Variants in ADGRL2 observed in about 807,000 individuals in gnomAD.
ADGRL2 encodes the protein adhesion G protein-coupled receptor L2.
In ADGRL2, 44 loss-of-function variants were observed where a neutral mutation model predicts 157.4. That is an observed-to-expected ratio of 0.28 (90% confidence interval 0.22 to 0.36). The LOEUF is 0.36. Among genes scored for constraint, ADGRL2 ranks in the 10% least tolerant of loss-of-function variants. The pLI is 1.00. For synonymous variants in ADGRL2, 585 were observed against 624.7 expected (o/e 0.94, Z 0.95); for missense variants, 1,510 against 1,768.9 (o/e 0.85, Z 2.63).
At chr1:81,717,271 A>G (rs1448091729) in intron 1 of ADGRL2, among the ~76,000 whole-genome samples, 1 of 152,190 alleles carries the variant, frequency 6.6e-6, no homozygotes, top group Non-Finnish European at 1.5e-5. Context: ...TTCTCCGGGT[A>G]AGTCCACAGG....
Position 81,731,112 on chromosome 1 carries a change from C to T in ADGRL2, c.-142-30699C>T, listed in dbSNP as rs189546442. Among the ~76,000 whole-genome samples the T allele has an allele frequency of 3.6e-3, 543 of 152,232 alleles. 4 individuals are homozygous for T. Among genetic ancestry groups the T allele is most frequent in the African/African-American group, 0.012 (503 of 41,550 alleles). ...TGTGTAGGCAAGCACAATAATTTGA[C>T]GTCAGGAAGCCATTGTCTGAGCTAG... On this transcript the variant is annotated intron_variant, in intron 1 of 20. Coordinates refer to the ADGRL2 transcript ENST00000359929.
At chr1:81,817,061 G>A (rs534051127) in intron 1 of ADGRL2, among the ~76,000 whole-genome samples, 1 of 150,922 alleles carries the variant, frequency 6.6e-6, no homozygotes, top group African/African-American at 2.4e-5. Flanking sequence ...ATAAATGAAC[G>A]TTATACCCTC....
At chr1:81,430,096 T>C (rs1298751531) in intron 1 of ADGRL2, among the ~76,000 whole-genome samples, 2 of 152,186 alleles carry the variant, frequency 1.3e-5, no homozygotes, top group Non-Finnish European at 2.9e-5. Flanking sequence ...TTTTTCCATG[T>C]TGGTCAGGCT....
At chr1:81,383,958 A>G (rs187996780) in intron 1 of ADGRL2, among the ~76,000 whole-genome samples, 3 of 151,328 alleles carry the variant, frequency 2.0e-5, no homozygotes, top group East Asian at 1.9e-4. Context: ...TGTCTCAAAA[A>G]AAAAAAAAAG....
At chr1:81,583,601 G>T (rs571899635) in intron 3 of ADGRL2, among the ~76,000 whole-genome samples, 1 of 150,906 alleles carries the variant, frequency 6.6e-6, no homozygotes, top group East Asian at 2.0e-4. Context: ...CCTCCCCATT[G>T]AAGATATTTT....
At chr1:81,796,679 A>T (rs970351556), upstream of ADGRL2, among the ~76,000 whole-genome samples, 1 of 152,254 alleles carries the variant, frequency 6.6e-6, no homozygotes, top group African/African-American at 2.4e-5. Flanking sequence ...GCACAGAAAA[A>T]GTCATGTTAC....
intron 2 of ADGRL2, among the ~76,000 whole-genome samples, chr1:81,572,920 G>A (rs1216126834): frequency 6.6e-6 from 1 of 150,406 alleles, no homozygotes; most frequent in African/African-American, 2.5e-5. Flanking sequence ...ATCTAGTAGG[G>A]CGTGAATGTT....
chr1:81,922,499 A>T (rs2095006434), intron 3 of ADGRL2, among the ~76,000 whole-genome samples: 2 of 152,194 alleles, frequency 1.3e-5, no homozygotes, highest in African/African-American at 2.4e-5. Flanking sequence ...AGTCCTTAAT[A>T]TTAACTCCGA....
chr1:81,648,124 G>C (rs2082348105), intron 3 of ADGRL2, among the ~76,000 whole-genome samples: 1 of 152,182 alleles, frequency 6.6e-6, no homozygotes, highest in South Asian at 2.1e-4. Context: ...GTCTGAAAGA[G>C]AGAGATTTTA....
Position 81,955,992 on chromosome 1 carries a change from A to C in ADGRL2, c.1949A>C (p.Glu650Ala), listed in dbSNP as rs1557994193. 1 of 1,611,816 alleles carries C rather than the reference A, an allele frequency of 6.2e-7. No individual in the cohort carries two copies. The highest frequency in any genetic ancestry group is 2.2e-5 in the East Asian group (1 of 44,732). Reference sequence around the variant, plus strand: ...ACAATGTTACTCGATACATTGGAAGAAGGAGCTTTTGTCCTAGCTGACAAT... The same window carrying C: ...ACAATGTTACTCGATACATTGGAAGCAGGAGCTTTTGTCCTAGCTGACAAT... ...TATMLLDTLE[E>A]GAFVLADNLL... Residue 650 changes from glutamate (E) to alanine (A), a missense_variant, in exon 11 of 24, where the codon GAA (glutamate) becomes GCA (alanine). Physicochemically the swap from Glu to Ala is moderately radical, Grantham distance 107. Coordinates refer to ENST00000686636, the MANE Select transcript of ADGRL2 (RefSeq NM_001366006.2).
chr1:81,417,102 T>C (rs1456550786), intron 1 of ADGRL2, among the ~76,000 whole-genome samples: 1 of 152,198 alleles, frequency 6.6e-6, no homozygotes, highest in African/African-American at 2.4e-5. Context: ...TTTATTATTT[T>C]TCTATAAAAT....
chr1:81,618,055 T>C (rs7518107), intron 3 of ADGRL2, among the ~76,000 whole-genome samples: 29,184 of 149,314 alleles, frequency 0.2, 3,072 homozygotes, highest in East Asian at 0.35. Context: ...TGTTAAAGGT[T>C]ATGTTGGGTT....
intron 2 of ADGRL2, among the ~76,000 whole-genome samples, chr1:81,838,083 A>G (rs1199594889): frequency 6.6e-6 from 1 of 151,984 alleles, no homozygotes; most frequent in Non-Finnish European, 1.5e-5. Context: ...TATTAAAATG[A>G]TAGGTGGAGA....
chr1:81,647,554 G>A (rs1040804675), intron 3 of ADGRL2, among the ~76,000 whole-genome samples: 8 of 152,274 alleles, frequency 5.3e-5, no homozygotes, highest in African/African-American at 1.9e-4. Context: ...TACAGGCTAT[G>A]TGTATAAGGT....
At chr1:81,716,492 T>C (rs1036066243) in intron 1 of ADGRL2, among the ~76,000 whole-genome samples, 1 of 152,208 alleles carries the variant, frequency 6.6e-6, no homozygotes, top group Non-Finnish European at 1.5e-5. Context: ...AGAAATTACA[T>C]TTTATTACTG....
chr1:81,656,007 A>G (rs1235059647), intron 3 of ADGRL2, among the ~76,000 whole-genome samples: 1 of 152,128 alleles, frequency 6.6e-6, no homozygotes, highest in Non-Finnish European at 1.5e-5. Context: ...TCTCATATGT[A>G]CCCATACTCC....
At chr1:81,356,936 A>G (rs1376746008) in intron 1 of ADGRL2, among the ~76,000 whole-genome samples, 1 of 112,576 alleles carries the variant, frequency 8.9e-6, no homozygotes, top group Non-Finnish European at 1.8e-5. Context: ...CTGGGGGACA[A>G]AATGAGACTC....
chr1:81,696,391 C>T (rs1230836735), upstream of ADGRL2, among the ~76,000 whole-genome samples: 1 of 152,090 alleles, frequency 6.6e-6, no homozygotes, highest in African/African-American at 2.4e-5. Flanking sequence ...GAAAGAACTT[C>T]GGATGTGCTT....
chr1:81,463,114 CAAAAAAAA>C (rs56920139), intron 2 of ADGRL2, among the ~76,000 whole-genome samples: 1,332 of 93,806 alleles, frequency 0.014, 12 homozygotes, highest in Admixed American at 0.024. Context: ...GACCATGTCT[CAAAAAAAA>C]AAAAAAAAAA....
Sources: gnomAD v4.1 joint callset for allele counts (sites outside exome capture counted in the v4.1 genomes callset) on GRCh38, gnomAD v4.1.1 for gene constraint, MANE v1.5 for transcripts, NCBI Gene and HGNC (gene_info 2026-07-23, HGNC 2026-07-21) for gene names.